CCDC148: variants seen among roughly 807,000 people sequenced by gnomAD.
CCDC148 encodes coiled-coil domain-containing protein 148.
CCDC148 carries 89 observed loss-of-function variants against 85.7 expected under a neutral mutation model. The ratio of observed to expected loss-of-function variants is 1.04; its 90% CI spans 0.87 to 1.24. The LOEUF is 1.24. CCDC148 is among the 50% of genes most tolerant of loss of function. The pLI, the probability that CCDC148 is intolerant of heterozygous loss-of-function variation, is 0.00. For synonymous variants in CCDC148, 230 were observed against 213.9 expected, an observed-to-expected ratio of 1.08 and a Z score of -0.66; for missense variants, 692 against 671.7, an observed-to-expected ratio of 1.03 and a Z score of -0.33.
rs916137818 is a variant in CCDC148, at chr2:158,314,531, A to G, written c.765-637T>C. ...CCCTTCAAGTCACCTTCCCAGTAAC[A>G]TATCCACTACGCTCCAAAAGGCCTT... is the stretch of plus-strand genomic sequence containing the variant. On this transcript the variant is annotated intron_variant, in intron 7 of 13. Coordinates refer to ENST00000283233, the MANE Select transcript of CCDC148 (RefSeq NM_138803.4). 2.0e-5 allele frequency among the ~76,000 whole-genome samples: 3 copies of G among 152,310 alleles called. No homozygotes were observed. In the East Asian group the frequency reaches 5.8e-4, roughly 29 times the overall value.
At chr2:158,305,094 T>A (rs537777935) in intron 9 of CCDC148, among the ~76,000 whole-genome samples, 1 of 152,162 alleles carries the variant, frequency 6.6e-6, no homozygotes, top group African/African-American at 2.4e-5. Flanking sequence ...CCTATGACAG[T>A]GCAGATCTGC....
rs569756264 is a variant in CCDC148 at position 158,319,996 on chromosome 2, C to T, written c.765-6102G>A. 4.2e-3 allele frequency among the ~76,000 whole-genome samples: 633 copies of T among 152,274 alleles called. 1 individual carries two copies. Among genetic ancestry groups the T allele is most frequent in the African/African-American group, 0.014 (596 of 41,564 alleles). On this transcript the variant is annotated intron_variant, in intron 7 of 13. Transcript: ENST00000283233. ...CCTTATATTGAGCCAAAATCTGTCT[C>T]CATGTTACCATTTTATTCTTCATTT...
chr2:158,344,018 T>A (rs183426912), intron 3 of CCDC148, among the ~76,000 whole-genome samples: 295 of 152,128 alleles, frequency 1.9e-3, no homozygotes, highest in African/African-American at 6.6e-3. Context: ...AATATACACA[T>A]TAAGAAAGAC....
chr2:158,426,556 C>T (rs1687087921), intron 1 of CCDC148, among the ~76,000 whole-genome samples: 2 of 152,126 alleles, frequency 1.3e-5, no homozygotes, highest in South Asian at 4.1e-4. Context: ...GAAATAATTT[C>T]ATATCTAGGT....
At chr2:158,234,904 T>G (rs911943329) in intron 10 of CCDC148, among the ~76,000 whole-genome samples, 4 of 152,210 alleles carry the variant, frequency 2.6e-5, no homozygotes, top group African/African-American at 7.2e-5. Context: ...GTATTTTGTA[T>G]GCTTGCTTGC....
chr2:158,389,972 T>C (rs1285045854), intron 1 of CCDC148, among the ~76,000 whole-genome samples: 1 of 152,186 alleles, frequency 6.6e-6, no homozygotes, highest in Non-Finnish European at 1.5e-5. Flanking sequence ...AATATGTATG[T>C]ACCTTTTTAC....
intron 11 of CCDC148, among the ~76,000 whole-genome samples, chr2:158,194,389 A>C (rs972340173): frequency 7.2e-5 from 11 of 152,196 alleles, no homozygotes; most frequent in African/African-American, 2.2e-4. Context: ...TGCTCACCAG[A>C]TGGAACTACT....
chr2:158,285,403 T>C (rs966478737), intron 9 of CCDC148, among the ~76,000 whole-genome samples: 1 of 150,838 alleles, frequency 6.6e-6, no homozygotes, highest in Non-Finnish European at 1.5e-5. Context: ...GCATAGCATA[T>C]GAAATAGGAA....
intron 11 of CCDC148, among the ~76,000 whole-genome samples, chr2:158,179,829 T>C (rs1684801168): frequency 1.3e-5 from 2 of 152,182 alleles, no homozygotes; most frequent in Non-Finnish European, 1.5e-5. Context: ...ACTTTTAAAA[T>C]TGCACTTTGA....
At chr2:158,193,376 G>C (rs1174662768) in intron 11 of CCDC148, among the ~76,000 whole-genome samples, 1 of 152,118 alleles carries the variant, frequency 6.6e-6, no homozygotes, top group African/African-American at 2.4e-5. Context: ...ACCACAGGAA[G>C]ACTCTATTCT....
chr2:158,349,126 G>C (rs1683137370), intron 2 of CCDC148, among the ~76,000 whole-genome samples: 1 of 151,974 alleles, frequency 6.6e-6, no homozygotes, highest in Non-Finnish European at 1.5e-5. Context: ...CATCTAACTT[G>C]TTAATAATAT....
chr2:158,401,198 T>C (rs1396912727), intron 1 of CCDC148, among the ~76,000 whole-genome samples: 1 of 152,220 alleles, frequency 6.6e-6, no homozygotes, highest in Non-Finnish European at 1.5e-5. Context: ...ATCCCATTAC[T>C]GGGTATATAC....
intron 1 of CCDC148, among the ~76,000 whole-genome samples, chr2:158,446,221 G>A (rs1688151303): frequency 6.6e-6 from 1 of 152,078 alleles, no homozygotes; most frequent in African/African-American, 2.4e-5. Flanking sequence ...CAGGCATGGT[G>A]GCCCATGCCT....
At chr2:158,444,091 G>A (rs1245966224) in intron 1 of CCDC148, among the ~76,000 whole-genome samples, 1 of 152,196 alleles carries the variant, frequency 6.6e-6, no homozygotes, top group East Asian at 1.9e-4. Flanking sequence ...AATATGAGGA[G>A]GAGAATTCTT....
At chr2:158,219,596 C>T (rs1687065736) in intron 11 of CCDC148, among the ~76,000 whole-genome samples, 1 of 152,212 alleles carries the variant, frequency 6.6e-6, no homozygotes, top group African/African-American at 2.4e-5. Flanking sequence ...ATGGCACACC[C>T]ATGGTCAGTC....
chr2:158,404,237 A>G (rs942269471), intron 1 of CCDC148, among the ~76,000 whole-genome samples: 10 of 152,214 alleles, frequency 6.6e-5, no homozygotes, highest in African/African-American at 2.4e-4. Flanking sequence ...CTCTATTTGC[A>G]ATATAATGGC....
At chr2:158,274,609 C>T (rs1441110111) in intron 9 of CCDC148, among the ~76,000 whole-genome samples, 2 of 152,092 alleles carry the variant, frequency 1.3e-5, no homozygotes, top group African/African-American at 4.8e-5. Flanking sequence ...AACTATATTT[C>T]CTATGGATTT....
chr2:158,309,465 G>A lies in CCDC148; in HGVS notation c.1078C>T (p.Gln360Ter). 6.2e-7 allele frequency: 1 copy of A among 1,614,076 alleles called. No homozygotes were observed. The highest frequency in any genetic ancestry group is 2.2e-5 in the East Asian group (1 of 44,866). ...TTCAGATCAGCACACAATTCCTGTT[G>A]CTTTTTCTTGTCCTTAGCCAACATG... is the stretch of plus-strand genomic sequence containing the variant. ...ESMLAKDKKK[Q>*]QELCADLKAK... Residue 360 changes from glutamine to a stop codon, truncating the protein, a stop_gained, in exon 9 of 14, where the codon CAA becomes TAA. Coordinates refer to ENST00000283233, the MANE Select transcript of CCDC148 (RefSeq NM_138803.4). LOFTEE classifies it high-confidence loss of function.
At chr2:158,413,495 A>T (rs977983364) in intron 1 of CCDC148, among the ~76,000 whole-genome samples, 3 of 152,160 alleles carry the variant, frequency 2.0e-5, no homozygotes, top group Non-Finnish European at 4.4e-5. Flanking sequence ...TTATTATCTC[A>T]TATAAATAAG....
Sources: gnomAD v4.1 joint callset for allele counts (sites outside exome capture counted in the v4.1 genomes callset) on GRCh38, gnomAD v4.1.1 for gene constraint, MANE v1.5 for transcripts, NCBI Gene and HGNC (gene_info 2026-07-23, HGNC 2026-07-21) for gene names.